SRBD1: variants seen among roughly 807,000 people sequenced by gnomAD.
The protein encoded by SRBD1 is S1 RNA binding domain 1, also known as S1 RNA-binding domain-containing protein 1.
A neutral mutation model predicts 115.3 loss-of-function variants in SRBD1; 88 were observed. The ratio of observed to expected loss-of-function variants is 0.76; its 90% CI spans 0.64 to 0.91. The LOEUF is 0.91. Among genes scored for constraint, SRBD1 ranks in the 40% least tolerant of loss-of-function variants. The probability of loss-of-function intolerance (pLI) is 0.00; values close to 1 mark genes in which losing one functional copy is unlikely to be tolerated. For synonymous variants in SRBD1, 509 were observed against 407.7 expected (o/e 1.25, Z -2.99); for missense variants, 1,385 against 1,177.4 (o/e 1.18, Z -2.58).
intron 14 of SRBD1, among the ~76,000 whole-genome samples, chr2:45,513,741 T>A (rs953534867): frequency 2.0e-5 from 3 of 152,204 alleles, no homozygotes; most frequent in Middle Eastern, 3.4e-3. Flanking sequence ...GAAAAAAAGA[T>A]GAAAATTCAT....
intron 16 of SRBD1, among the ~76,000 whole-genome samples, chr2:45,469,716 T>C (rs1323144358): frequency 1.3e-5 from 2 of 152,286 alleles, no homozygotes; most frequent in East Asian, 1.9e-4. Context: ...TTCTAACACA[T>C]GAGTTGGGTT....
chr2:45,464,502 A>T lies in SRBD1; in HGVS notation c.2049+12491T>A, dbSNP rs74356881. 3.0e-3 allele frequency among the ~76,000 whole-genome samples: 457 copies of T among 152,366 alleles called. 3 individuals are homozygous for T. The highest frequency in any genetic ancestry group is 0.011 in the African/African-American group (437 of 41,580). On this transcript the variant is annotated intron_variant, in intron 16 of 20. Transcript: ENST00000263736. ...AAGTAACAGCCCTCATAAAAGGTCAATTAATAAAGAGCTGTAAGTGTCACC... is the reference window on the plus strand; with the variant it reads ...AAGTAACAGCCCTCATAAAAGGTCATTTAATAAAGAGCTGTAAGTGTCACC...
intron 9 of SRBD1, 133 bp downstream of exon 9, chr2:45,573,073 AT>A: frequency 9.8e-7 from 1 of 1,017,474 alleles, no homozygotes; most frequent in Non-Finnish European, 1.3e-6. Flanking sequence ...ATATGACAAT[AT>A]TATAAGAATT....
intron 15 of SRBD1, among the ~76,000 whole-genome samples, chr2:45,479,035 C>A (rs936273266): frequency 6.6e-6 from 1 of 152,060 alleles, no homozygotes; most frequent in Non-Finnish European, 1.5e-5. Context: ...TAATCTGTGA[C>A]CAATGATCTT....
chr2:45,514,529 T>A (rs1002312157), intron 14 of SRBD1, among the ~76,000 whole-genome samples: 2 of 152,308 alleles, frequency 1.3e-5, no homozygotes, highest in South Asian at 4.1e-4. Flanking sequence ...CCAACACAAG[T>A]CATTTAGCTA....
intron 16 of SRBD1, among the ~76,000 whole-genome samples, chr2:45,437,086 T>G (rs1668520516): frequency 1.3e-5 from 2 of 152,064 alleles, no homozygotes; most frequent in Admixed American, 1.3e-4. Context: ...AGAAGAAAAC[T>G]ACAATACTCT....
In SRBD1 at chr2:45,580,676, C is replaced by CTTT. The variant is rs369067711; in HGVS notation, c.934-666_934-664dup. ...ACCTGGCCGGTCAATTCTTCTACTT[C>CTTT]TTTTTTTTTTTTTTTTTTTTTTTTT... On this transcript the variant is annotated intron_variant, in intron 6 of 20. Coordinates refer to ENST00000263736, the MANE Select transcript of SRBD1 (RefSeq NM_018079.5). Among the ~76,000 whole-genome samples the CTTT allele has an allele frequency of 5.8e-4, 44 of 76,348 alleles. 1 individual carries two copies. The highest frequency in any genetic ancestry group is 1.3e-3 in the African/African-American group (21 of 15,750). 50.1% of individuals were successfully genotyped at this position (76,348 alleles called of 152,430 possible).
In SRBD1 at chr2:45,520,589, G is replaced by T. The variant is rs965752386; in HGVS notation, c.1874+26143C>A. 2.0e-5 allele frequency among the ~76,000 whole-genome samples: 3 copies of T among 152,290 alleles called. No homozygotes were observed. The South Asian group carries it at 6.2e-4, about 32-fold the overall frequency. On this transcript the variant is annotated intron_variant, in intron 14 of 20. Coordinates refer to ENST00000263736, the MANE Select transcript of SRBD1 (RefSeq NM_018079.5). ...AAAAAGTTGCCTTTTGGCCCACCATGCCTTCCTATCCTGAACCCATAAAAA... is the reference window on the plus strand; with the variant it reads ...AAAAAGTTGCCTTTTGGCCCACCATTCCTTCCTATCCTGAACCCATAAAAA...
At position 45,594,075 on chromosome 2, in the gene SRBD1, A is replaced by G. The variant is rs1673812521; in HGVS notation, c.648+5374T>C. ...CACTACCAACTAAATTATATTAACA[A>G]AAAGTACCAATTTCTCTTATTTAAT... On this transcript the variant is annotated intron_variant, in intron 4 of 20. Coordinates refer to ENST00000263736, the MANE Select transcript of SRBD1 (RefSeq NM_018079.5). Among the ~76,000 whole-genome samples the G allele has an allele frequency of 2.6e-5, 4 of 152,350 alleles. No homozygotes were observed. The South Asian group carries it at 8.3e-4, about 32-fold the overall frequency.
At chr2:45,534,233 A>G (rs190132304) in intron 14 of SRBD1, among the ~76,000 whole-genome samples, 22 of 152,118 alleles carry the variant, frequency 1.4e-4, no homozygotes, top group Admixed American at 3.3e-4. Flanking sequence ...CTTCACTGAA[A>G]TGGTCTATTT....
chr2:45,437,555 AC>A (rs1668537207), intron 16 of SRBD1, among the ~76,000 whole-genome samples: 1 of 152,268 alleles, frequency 6.6e-6, no homozygotes, highest in Non-Finnish European at 1.5e-5. Context: ...TACACCCTTA[AC>A]AAAAGTAAAT....
chr2:45,581,746 A>G lies in SRBD1; in HGVS notation c.880T>C (p.Cys294Arg), dbSNP rs755941327. 6 of 1,613,626 alleles carry G rather than the reference A, an allele frequency of 3.7e-6. No individual in the cohort carries two copies. The highest frequency in any genetic ancestry group is 2.2e-5 in the East Asian group (1 of 44,764). The change falls in exon 6 of 21, where the codon TGC becomes CGC. Residue 294 changes from cysteine to arginine, a missense_variant. Cys to Arg is a radical substitution (Grantham distance 180). Transcript: ENST00000263736. ...CAATTCAGCATGGCTTTTAACAAGC[A>G]CTCAGACATCTTCCCTTCCTTCTTA... ...KIKKEGKMSE[C>R]LLKAMLNCKT...
chr2:45,539,622 T>G (rs1273398677), intron 14 of SRBD1, among the ~76,000 whole-genome samples: 1 of 152,174 alleles, frequency 6.6e-6, no homozygotes, highest in African/African-American at 2.4e-5. Context: ...ATCTGTCTGG[T>G]CTGCAGCCTA....
At chr2:45,565,332 G>C (rs1672792914) in intron 9 of SRBD1, among the ~76,000 whole-genome samples, 1 of 152,146 alleles carries the variant, frequency 6.6e-6, no homozygotes, top group Middle Eastern at 3.2e-3. Flanking sequence ...TATACATATA[G>C]TGTCAACTGA....
intron 10 of SRBD1, among the ~76,000 whole-genome samples, chr2:45,559,670 T>C (rs1444201419): frequency 6.6e-6 from 1 of 152,116 alleles, no homozygotes; most frequent in Non-Finnish European, 1.5e-5. Context: ...ATTCATCAAG[T>C]AAGCATTTCT....
At chr2:45,582,841 G>C (rs571388369) in intron 5 of SRBD1, among the ~76,000 whole-genome samples, 2 of 152,230 alleles carry the variant, frequency 1.3e-5, no homozygotes, top group South Asian at 4.2e-4. Flanking sequence ...TATGCTCATT[G>C]CTACTGGAGT....
rs1672321019 is a variant in SRBD1, at chr2:45,552,152, G to A, written c.1518-870C>T. On this transcript the variant is annotated intron_variant, in intron 11 of 20. Transcript: ENST00000263736. ...GACAGTCACGGGAATAAGATATGCA[G>A]ACGTAGGCTATGCATAGTATACAGT... Among the ~76,000 whole-genome samples the A allele has an allele frequency of 2.0e-5, 3 of 152,170 alleles. No individual in the cohort carries two copies. The South Asian group carries it at 6.2e-4, about 32-fold the overall frequency.
At chr2:45,417,545 C>A (rs1335806214) in intron 18 of SRBD1, among the ~76,000 whole-genome samples, 2 of 152,102 alleles carry the variant, frequency 1.3e-5, no homozygotes. Context: ...TCCATATGAC[C>A]TCTATTATAA....
At chr2:45,495,907 G>C (rs1312931222) in intron 14 of SRBD1, among the ~76,000 whole-genome samples, 1 of 152,092 alleles carries the variant, frequency 6.6e-6, no homozygotes, top group African/African-American at 2.4e-5. Flanking sequence ...AAAAAACATG[G>C]TATGTCAACC....
Sources: allele counts gnomAD v4.1 joint callset (sites outside exome capture counted in the v4.1 genomes callset), GRCh38; gene constraint gnomAD v4.1.1; transcripts MANE v1.5; gene names NCBI Gene and HGNC (gene_info 2026-07-23, HGNC 2026-07-21).